ZNF251: variants seen among roughly 807,000 people sequenced by gnomAD.
ZNF251 encodes zinc finger protein 251.
Under a neutral mutation model 13.5 loss-of-function variants are expected in ZNF251, and 14 were observed. That is an observed-to-expected ratio of 1.04 (90% CI 0.69 to 1.63). The LOEUF (loss-of-function observed/expected upper bound fraction) is 1.63, where lower values mean the gene tolerates loss of function less well. Among genes scored for constraint, ZNF251 ranks in the 40% most tolerant of loss-of-function variants. The pLI is 0.00. For missense variants in ZNF251, 764 were observed against 834.9 expected (o/e 0.92, Z 1.05); for synonymous variants, 287 against 295.2 (o/e 0.97, Z 0.28).
chr8:144,735,019 A>G (rs1823835766), intron 4 of ZNF251, among the ~76,000 whole-genome samples: 1 of 151,910 alleles, frequency 6.6e-6, no homozygotes, highest in Non-Finnish European at 1.5e-5. Context: ...GGTTGCAGTG[A>G]GCCAAGATCG....
intron 4 of ZNF251, among the ~76,000 whole-genome samples, chr8:144,724,559 T>C (rs1463829960): frequency 6.6e-6 from 1 of 152,156 alleles, no homozygotes; most frequent in Non-Finnish European, 1.5e-5. Context: ...CACACACCCT[T>C]TGTCCCCCAA....
chr8:144,754,386 C>T, intron 2 of ZNF251, 65 bp from the exon 3 acceptor site: 3 of 1,498,744 alleles, frequency 2.0e-6, no homozygotes, highest in Non-Finnish European at 2.7e-6. Flanking sequence ...CTAAAAGGGC[C>T]CTGACCTGGT....
intron 4 of ZNF251, among the ~76,000 whole-genome samples, chr8:144,725,316 C>CT (rs942350591): frequency 6.6e-6 from 1 of 150,438 alleles, no homozygotes; most frequent in African/African-American, 2.4e-5. Flanking sequence ...CACCCGGCCT[C>CT]TTTTTTTAAA....
chr8:144,736,758 A>C (rs994542405), intron 4 of ZNF251, among the ~76,000 whole-genome samples: 2 of 149,448 alleles, frequency 1.3e-5, no homozygotes, highest in Non-Finnish European at 1.5e-5. Context: ...TCCCAAAGTG[A>C]TGGGATTACA....
chr8:144,726,585 C>A (rs2129934634), intron 4 of ZNF251, among the ~76,000 whole-genome samples: 1 of 151,444 alleles, frequency 6.6e-6, no homozygotes, highest in South Asian at 2.1e-4. Flanking sequence ...CTTAGCCAGG[C>A]ATAGGTTGGG....
At chr8:144,753,152 G>A (rs911027474) in intron 4 of ZNF251, among the ~76,000 whole-genome samples, 2 of 151,658 alleles carry the variant, frequency 1.3e-5, no homozygotes, top group Non-Finnish European at 2.9e-5. Context: ...ACATGTGCCT[G>A]TAGTCCTAGC....
At chr8:144,730,159 G>C in intron 4 of ZNF251, 5 of 966,504 alleles carry the variant, frequency 5.2e-6, no homozygotes, top group Non-Finnish European at 6.2e-6. Context: ...GAAGTGGAGA[G>C]CCATGTTTTA....
chr8:144,734,112 A>G lies in ZNF251; in HGVS notation c.278-10730T>C, dbSNP rs1483504006. On this transcript the variant is annotated intron_variant, in intron 4 of 4. Transcript: ENST00000292562. This position sits in a 1 kb window ranked among gnomAD's most constrained non-coding sequence, Gnocchi z 4.4. Reference sequence around the variant, plus strand: ...CGAAATCCTGACCCAGGAGGCGCCCACTCAGACCACAGTCCCTCTGTTGGG... The same window carrying G: ...CGAAATCCTGACCCAGGAGGCGCCCGCTCAGACCACAGTCCCTCTGTTGGG... Among the ~76,000 whole-genome samples, 1 of 152,102 alleles carries G rather than the reference A, an allele frequency of 6.6e-6. No homozygotes were observed. Among genetic ancestry groups the G allele is most frequent in the African/African-American group, 2.4e-5 (1 of 41,400 alleles).
intron 4 of ZNF251, among the ~76,000 whole-genome samples, chr8:144,733,494 C>T (rs551039762): frequency 1.6e-4 from 24 of 152,356 alleles, no homozygotes; most frequent in African/African-American, 5.5e-4. Context: ...CCAACCCCTC[C>T]CTCTTGGTCC....
At chr8:144,725,936 C>T (rs1823503954) in intron 4 of ZNF251, among the ~76,000 whole-genome samples, 3 of 152,078 alleles carry the variant, frequency 2.0e-5, no homozygotes, top group Non-Finnish European at 1.5e-5. Flanking sequence ...GTGGCTCACA[C>T]CTATAATCCC....
chr8:144,739,554 T>C (rs1300852194), intron 4 of ZNF251, among the ~76,000 whole-genome samples: 1 of 152,210 alleles, frequency 6.6e-6, no homozygotes, highest in African/African-American at 2.4e-5. Flanking sequence ...ACGCTTGACA[T>C]ATGAACTACA....
Position 144,721,747 on chromosome 8 carries a change from G to A in ZNF251, c.1913C>T (p.Thr638Ile), listed in dbSNP as rs755045389. 2.0e-5 allele frequency: 28 copies of A among 1,433,544 alleles called. No homozygotes were observed. Among genetic ancestry groups the A allele is most frequent in the East Asian group, 9.4e-5 (4 of 42,474 alleles). 88.8% of individuals were successfully genotyped at this position (1,433,544 alleles called of 1,614,324 possible). ...TCCAACACGAGTCTGCTGAGGTGGTGTGAGCTGTGAACTCTGGCTGAAGGC... is the reference window on the plus strand; with the variant it reads ...TCCAACACGAGTCTGCTGAGGTGGTATGAGCTGTGAACTCTGGCTGAAGGC... ...GKAFSQSSQL[T>I]PPQQTRVGEK... Residue 638 changes from threonine to isoleucine, a missense_variant, in exon 5 of 5, where the codon ACA becomes ATA. By Grantham distance (89) the Thr-to-Ile change is moderately conservative. Transcript: ENST00000292562.
Position 144,722,892 on chromosome 8 carries a change from A to T in ZNF251, c.768T>A (p.His256Gln). The stretch of plus-strand genomic sequence containing the variant: ...ATGGTTTATTTCCAGTGTGAATGTG[A>T]TGGTGCAGAACAAGATTTGAGCTGT... ...FTHSSNLVLH[H>Q]HIHTGNKPFK... The change falls in exon 5 of 5, where the codon CAT becomes CAA. Residue 256 changes from histidine (H) to glutamine (Q), a missense_variant. Physicochemically the swap from His to Gln is conservative, Grantham distance 24. Transcript: ENST00000292562. This position sits in a 1 kb window ranked among gnomAD's most constrained non-coding sequence, Gnocchi z 4.8. 2 of 1,613,970 alleles carry T rather than the reference A, an allele frequency of 1.2e-6. No individual in the cohort carries two copies. Among genetic ancestry groups the T allele is most frequent in the Non-Finnish European group, 1.7e-6 (2 of 1,179,872 alleles).
chr8:144,728,096 G>A (rs1028732509), intron 4 of ZNF251, among the ~76,000 whole-genome samples: 1 of 152,178 alleles, frequency 6.6e-6, no homozygotes, highest in Admixed American at 6.5e-5. Flanking sequence ...TTGCAATAAA[G>A]CGAGAGGTGT....
chr8:144,724,019 G>A lies in ZNF251; in HGVS notation c.278-637C>T, dbSNP rs771559872. The stretch of plus-strand genomic sequence containing the variant: ...AGCACTTTGGGAGGCCGAGGTGGGC[G>A]GATCACGAGGTCAGGAGATCGAGAC... On this transcript the variant is annotated intron_variant, in intron 4 of 4. Coordinates refer to ENST00000292562, the MANE Select transcript of ZNF251 (RefSeq NM_138367.2). Among the ~76,000 whole-genome samples, 193 of 152,182 alleles carry A rather than the reference G, an allele frequency of 1.3e-3. 3 individuals carry two copies. The highest frequency in any genetic ancestry group is 7.8e-4 in the Admixed American group (12 of 15,288).
chr8:144,738,887 C>G (rs1824026198), intron 4 of ZNF251, among the ~76,000 whole-genome samples: 1 of 152,098 alleles, frequency 6.6e-6, no homozygotes, highest in Non-Finnish European at 1.5e-5. Flanking sequence ...GAAGTTGCCT[C>G]CTAAGGGCTT....
At chr8:144,753,036 G>A (rs1178281637) in intron 4 of ZNF251, among the ~76,000 whole-genome samples, 2 of 151,968 alleles carry the variant, frequency 1.3e-5, no homozygotes, top group African/African-American at 4.8e-5. Flanking sequence ...CAGCACTTTG[G>A]GAGGTCGACA....
intron 1 of ZNF251, 195 bp from the exon 2 acceptor site, chr8:144,754,998 C>T: frequency 7.2e-7 from 1 of 1,393,532 alleles, no homozygotes; most frequent in Non-Finnish European, 9.3e-7. Context: ...CGGGGGGATC[C>T]AGGGACGCCC....
intron 4 of ZNF251, among the ~76,000 whole-genome samples, chr8:144,729,397 C>G (rs1272057332): frequency 6.7e-6 from 1 of 149,078 alleles, no homozygotes; most frequent in South Asian, 2.1e-4. Flanking sequence ...AGTGCAGTGG[C>G]GCAATCTCGG....
Sources: gnomAD v4.1 joint callset for allele counts (sites outside exome capture counted in the v4.1 genomes callset) on GRCh38, gnomAD v4.1.1 for gene constraint, Gnocchi (gnomAD v3.1) non-coding constraint, MANE v1.5 for transcripts, NCBI Gene and HGNC (gene_info 2026-07-23, HGNC 2026-07-21) for gene names.